COL18A1: variants seen among roughly 807,000 people sequenced by gnomAD.
COL18A1 encodes collagen type XVIII alpha 1 chain.
A neutral mutation model predicts 168.0 loss-of-function variants in COL18A1; 133 were observed. The observed-to-expected ratio is 0.79, with a 90% CI of 0.69 to 0.91. The LOEUF (loss-of-function observed/expected upper bound fraction) is 0.91. Ranked by LOEUF, COL18A1 falls within the 40% of genes least tolerant of loss-of-function variation. COL18A1 has a pLI of 0.00. For synonymous variants in COL18A1, 949 were observed against 809.0 expected (o/e 1.17, Z -2.94); for missense variants, 2,126 against 1,925.4 (o/e 1.10, Z -1.95).
chr21:45,444,638 G>C (rs60616948), intron 2 of COL18A1, among the ~76,000 whole-genome samples: 7,282 of 152,192 alleles, frequency 0.048, 255 homozygotes, highest in African/African-American at 0.093. Context: ...CGTGCAGGGC[G>C]AGAGAGGCTC....
intron 2 of COL18A1, chr21:45,455,820 C>T (rs1431080000): frequency 1.2e-6 from 2 of 1,613,364 alleles, no homozygotes; most frequent in South Asian, 1.1e-5. Context: ...CCCACTTCTG[C>T]CGAGAGCCCG....
chr21:45,479,796 G>T, intron 9 of COL18A1, 106 bp from the exon 10 acceptor site: 1 of 1,507,198 alleles, frequency 6.6e-7, no homozygotes, highest in Non-Finnish European at 9.0e-7. Flanking sequence ...TCCCCTGAAG[G>T]GCTCAGCTCC....
At chr21:45,504,597 G>A (rs1477396174) in intron 34 of COL18A1, 41 bp downstream of exon 34, 2 of 1,541,500 alleles carry the variant, frequency 1.3e-6, no homozygotes, top group African/African-American at 2.7e-5. Context: ...TGTCCCAGGG[G>A]TCTGGGTGCA....
chr21:45,405,551 TC>T, intron 2 of COL18A1, 78 bp downstream of exon 2: 1 of 905,510 alleles, frequency 1.1e-6, no homozygotes, highest in Non-Finnish European at 1.4e-6. Flanking sequence ...CCCGCCCGGC[TC>T]CCTCACCCCC....
intron 2 of COL18A1, among the ~76,000 whole-genome samples, chr21:45,417,130 G>A (rs1457032108): frequency 6.6e-6 from 1 of 152,172 alleles, no homozygotes; most frequent in Non-Finnish European, 1.5e-5. Context: ...TGTGTTTTGG[G>A]AAATGATCTT....
intron 4 of COL18A1, among the ~76,000 whole-genome samples, chr21:45,475,222 G>A (rs1049092997): frequency 8.5e-5 from 13 of 152,216 alleles, no homozygotes; most frequent in African/African-American, 1.2e-4. Context: ...TCTGACCACC[G>A]GCCGAGGCAG....
rs930937760 is a variant in COL18A1 at position 45,498,991 on chromosome 21, G to C, written c.2683+1330G>C. ...TGGGAGCCAGAACGAGGGCTCCGAGGGCTCTAGAGGGAACAGTGTTTGCAG... is the reference window on the plus strand; with the variant it reads ...TGGGAGCCAGAACGAGGGCTCCGAGCGCTCTAGAGGGAACAGTGTTTGCAG... On this transcript the variant is annotated intron_variant, in intron 32 of 41. Transcript: ENST00000651438. The surrounding 1 kb of genome is among the most constrained non-coding windows in gnomAD (Gnocchi z 4.5). Among the ~76,000 whole-genome samples, 1 of 152,158 alleles carries C rather than the reference G, an allele frequency of 6.6e-6. No homozygotes were observed. Among genetic ancestry groups the C allele is most frequent in the Non-Finnish European group, 1.5e-5 (1 of 68,030 alleles).
chr21:45,508,955 G>A (rs757164620), intron 38 of COL18A1, among the ~76,000 whole-genome samples: 21 of 152,260 alleles, frequency 1.4e-4, no homozygotes, highest in Non-Finnish European at 2.4e-4. Flanking sequence ...CCTGGGGGCT[G>A]GGATTTCTAG....
chr21:45,445,019 T>C (rs2034474525), intron 2 of COL18A1, among the ~76,000 whole-genome samples: 1 of 152,174 alleles, frequency 6.6e-6, no homozygotes, highest in African/African-American at 2.4e-5. Flanking sequence ...TCACTCGAAG[T>C]GTACAATCCA....
chr21:45,476,246 C>T (rs767342469), intron 5 of COL18A1, 105 bp from the exon 6 acceptor site: 1 of 1,530,490 alleles, frequency 6.5e-7, no homozygotes, highest in Non-Finnish European at 8.9e-7. Flanking sequence ...GAGGATTTTT[C>T]TTTATCTTTC....
intron 2 of COL18A1, among the ~76,000 whole-genome samples, chr21:45,440,774 C>G (rs1437490312): frequency 1.1e-4 from 17 of 152,206 alleles, no homozygotes; most frequent in Admixed American, 5.2e-4. Flanking sequence ...GGGATCGTGT[C>G]TAAGCTTTTT....
chr21:45,496,521 C>G lies in COL18A1; in HGVS notation c.2530C>G (p.Pro844Ala). ...ACAGGGAATGCCCGGCCCCCCAGGA[C>G]CTCCAGGGCCCCCAGGCCCTCCAGG... is the stretch of plus-strand genomic sequence containing the variant. ...GMRGMPGPPG[P>A]PGPPGPPGTP... Residue 844 changes from proline to alanine, a missense_variant, in exon 30 of 42, where the codon CCT becomes GCT. Transcript: ENST00000651438. The G allele has an allele frequency of 6.6e-7, 1 of 1,512,474 alleles. No homozygotes were observed. The highest frequency in any genetic ancestry group is 9.2e-7 in the Non-Finnish European group (1 of 1,088,118). The allele number at this position is 1,512,474 out of a possible 1,614,324, so 93.7% of individuals were successfully genotyped here.
chr21:45,504,104 C>T (rs367827370), intron 33 of COL18A1, 50 bp downstream of exon 33: 125 of 1,587,368 alleles, frequency 7.9e-5, no homozygotes, highest in African/African-American at 5.0e-4. Flanking sequence ...CTGTACATCC[C>T]GCTGGGTGGC....
intron 9 of COL18A1, among the ~76,000 whole-genome samples, chr21:45,479,078 C>CGTGT (rs3831204): frequency 0.32 from 47,994 of 151,876 alleles, 7,660 homozygotes; most frequent in African/African-American, 0.38. Flanking sequence ...TACACGCACG[C>CGTGT]GTGTGAGTGT....
rs759166031 is a variant in COL18A1, at chr21:45,487,455, G to C, written c.1842G>C (p.Met614Ile). ...TCGTGTGTCTCTTCCAGGATGACATGGAAGGCTCCGGGGGGCCCTTCTGGT... is the reference window on the plus strand; with the variant it reads ...TCGTGTGTCTCTTCCAGGATGACATCGAAGGCTCCGGGGGGCCCTTCTGGT... ...GPGLPAGFDD[M>I]EGSGGPFWST... Residue 614 changes from methionine to isoleucine, a missense_variant, in exon 17 of 42, where the codon ATG (methionine) becomes ATC (isoleucine). Physicochemically the swap from Met to Ile is conservative, Grantham distance 10 (BLOSUM62 1). Transcript: ENST00000651438. 6.2e-7 allele frequency: 1 copy of C among 1,612,920 alleles called. No homozygotes were observed. Among genetic ancestry groups the C allele is most frequent in the African/African-American group, 1.3e-5 (1 of 74,940 alleles).
In COL18A1 at chr21:45,431,664, G is replaced by T. The variant is rs375566394; in HGVS notation, c.106+26191G>T. 1.6e-3 allele frequency among the ~76,000 whole-genome samples: 249 copies of T among 152,132 alleles called. 2 individuals carry two copies. Among genetic ancestry groups the T allele is most frequent in the African/African-American group, 5.9e-3 (243 of 41,486 alleles). On this transcript the variant is annotated intron_variant, in intron 2 of 41. Transcript: ENST00000651438. ...GATTCCTGGAAGCCCCCGGAAAGTG[G>T]TGATGTTCTGGAGGGCCCAGCAGAC...
chr21:45,479,831 A>C, intron 9 of COL18A1, 71 bp from the exon 10 acceptor site: 1 of 1,601,290 alleles, frequency 6.2e-7, no homozygotes, highest in East Asian at 2.3e-5. Context: ...TTGGGGGAGG[A>C]GCACTGAGAG....
intron 10 of COL18A1, 31 bp downstream of exon 10, chr21:45,479,995 C>A: frequency 6.2e-7 from 1 of 1,613,812 alleles, no homozygotes; most frequent in Non-Finnish European, 8.5e-7. Context: ...GGGGCCCCTT[C>A]CTGTGTTGGC....
Position 45,470,413 on chromosome 21 carries a change from T to G in COL18A1, c.651+1627T>G, listed in dbSNP as rs79920402. Among the ~76,000 whole-genome samples, 137 of 149,820 alleles carry G rather than the reference T, an allele frequency of 9.1e-4. 1 individual carries two copies. The highest frequency in any genetic ancestry group is 3.2e-3 in the African/African-American group (131 of 40,482). ...TTTTATTTCTACCATGTCATTTGCC[T>G]TTTTACCTTGTCTTTTTTTTTTTTT... On this transcript the variant is annotated intron_variant, in intron 3 of 41. Coordinates refer to ENST00000651438, the MANE Select transcript of COL18A1 (RefSeq NM_001379500.1).
Sources: gnomAD v4.1 joint callset for allele counts (sites outside exome capture counted in the v4.1 genomes callset) on GRCh38, gnomAD v4.1.1 for gene constraint, Gnocchi (gnomAD v3.1) non-coding constraint, MANE v1.5 for transcripts, NCBI Gene and HGNC (gene_info 2026-07-23, HGNC 2026-07-21) for gene names.